The following HMGB1 variants were observed in gnomAD, a reference collection of about 807,000 sequenced individuals.
HMGB1 encodes high mobility group box 1.
For synonymous variants in HMGB1, 81 were observed against 84.0 expected, an observed-to-expected ratio of 0.96 and a Z score of 0.19; for missense variants, 79 against 253.5, an observed-to-expected ratio of 0.31 and a Z score of 4.67.
At position 30,458,297 on chromosome 13, in the gene HMGB1, T is replaced by C. The variant is rs1171282626; in HGVS notation, c.*3060A>G. ...GTGATGTCAAGCAAGGCAGTACCCATGTATTTCATTCAAAAACCAGTTGTC... is the reference window on the plus strand; with the variant it reads ...GTGATGTCAAGCAAGGCAGTACCCACGTATTTCATTCAAAAACCAGTTGTC... On this transcript the variant is annotated 3_prime_UTR_variant, in exon 5 of 5. Transcript: ENST00000341423. 4.0e-5 allele frequency: 6 copies of C among 151,590 alleles called. No homozygotes were observed. The highest frequency in any genetic ancestry group is 7.3e-5 in the African/African-American group (3 of 41,126). The allele number at this position is 151,590 out of a possible 1,614,324, so 9.4% of individuals were successfully genotyped here. A position where few individuals can be genotyped will look rare whatever the true frequency, so the allele number is the denominator to read the frequency against.
rs1356201662 is a variant in HMGB1, at chr13:30,456,780, G to GGGGGGGGA, written c.*4576_*4577insTCCCCCCC. ...GTGGGCGGGGGGGGGGGGTGGTGGG[G>GGGGGGGGA]TGCAATTTATCAACATCTTCCAAAA... On this transcript the variant is annotated 3_prime_UTR_variant, in exon 5 of 5. Coordinates refer to ENST00000341423, the MANE Select transcript of HMGB1 (RefSeq NM_002128.7). 8.3e-6 allele frequency: 1 copy of GGGGGGGGA among 120,396 alleles called. No individual in the cohort carries two copies. Among genetic ancestry groups the GGGGGGGGA allele is most frequent in the African/African-American group, 4.1e-5 (1 of 24,564 alleles). 7.5% of individuals were successfully genotyped at this position (120,396 alleles called of 1,614,324 possible).
intron 1 of HMGB1, among the ~76,000 whole-genome samples, chr13:30,597,589 A>T (rs1042299622): frequency 7.9e-5 from 12 of 152,340 alleles, no homozygotes; most frequent in African/African-American, 2.9e-4. Flanking sequence ...AAGATTTCTC[A>T]TACTCAACTG....
At chr13:30,500,948 C>G (rs1249397121) in intron 1 of HMGB1, among the ~76,000 whole-genome samples, 1 of 151,438 alleles carries the variant, frequency 6.6e-6, no homozygotes, top group Non-Finnish European at 1.5e-5. Flanking sequence ...GCTGGGATTA[C>G]AGGTGTGAGC....
chr13:30,539,193 A>G (rs1271964025), intron 1 of HMGB1, among the ~76,000 whole-genome samples: 1 of 152,182 alleles, frequency 6.6e-6, no homozygotes, highest in East Asian at 1.9e-4. Flanking sequence ...CACTGCGCCC[A>G]GCCAGCCCAG....
At chr13:30,554,290 T>C in intron 1 of HMGB1, 2 of 1,199,146 alleles carry the variant, frequency 1.7e-6, no homozygotes, top group Non-Finnish European at 2.5e-6. Flanking sequence ...CCTTGAACCC[T>C]GACCATGGGC....
rs535863750 is a variant in HMGB1, at chr13:30,603,369, G to A, written c.-15+13302C>T. Among the ~76,000 whole-genome samples the A allele has an allele frequency of 3.9e-5, 6 of 152,230 alleles. No homozygotes were observed. In the East Asian group the frequency reaches 5.8e-4, roughly 15 times the overall value. ...CAAGGAGGCAGTTCAAAACTGAACT[G>A]GGCATTGGCTCCACTCCTTCTCCTT... On this transcript the variant is annotated intron_variant, in intron 1 of 4. Transcript: ENST00000405805.
intron 1 of HMGB1, among the ~76,000 whole-genome samples, chr13:30,493,793 A>G (rs1054599932): frequency 1.3e-5 from 2 of 152,094 alleles, no homozygotes; most frequent in African/African-American, 4.8e-5. Flanking sequence ...CAAGACACTC[A>G]TCTCTTACAT....
chr13:30,578,967 C>T (rs1439903796), intron 1 of HMGB1, among the ~76,000 whole-genome samples: 3 of 152,228 alleles, frequency 2.0e-5, no homozygotes, highest in Non-Finnish European at 4.4e-5. Flanking sequence ...CAGCTGCTTG[C>T]TCCTGTTTCC....
intron 1 of HMGB1, among the ~76,000 whole-genome samples, chr13:30,518,620 A>G (rs1416713271): frequency 2.0e-5 from 3 of 152,194 alleles, no homozygotes; most frequent in Non-Finnish European, 4.4e-5. Flanking sequence ...GTTAGGTGCC[A>G]ATGAGAAATG....
chr13:30,515,237 A>C (rs1888076561), intron 1 of HMGB1, among the ~76,000 whole-genome samples: 1 of 152,220 alleles, frequency 6.6e-6, no homozygotes, highest in Non-Finnish European at 1.5e-5. Context: ...TCAGTTACAG[A>C]GCCACAAGGA....
intron 1 of HMGB1, among the ~76,000 whole-genome samples, chr13:30,535,781 T>A (rs1256820802): frequency 6.6e-6 from 1 of 152,186 alleles, no homozygotes; most frequent in African/African-American, 2.4e-5. Context: ...TCCCAGCTAC[T>A]TGGGAGGCTG....
intron 1 of HMGB1, among the ~76,000 whole-genome samples, chr13:30,524,351 AAAAAAAG>A (rs1366105029): frequency 2.7e-4 from 16 of 59,518 alleles, no homozygotes; most frequent in African/African-American, 8.7e-4. Context: ...AAAAAAAAAA[AAAAAAAG>A]AAAAAAAAGA....
At chr13:30,474,959 G>GTTTTTTTTTTTTTTTTTTTT (rs776923842) in intron 1 of HMGB1, among the ~76,000 whole-genome samples, 3 of 64,034 alleles carry the variant, frequency 4.7e-5, no homozygotes, top group African/African-American at 1.4e-4. Flanking sequence ...TTCTTTTTTT[G>GTTTTTTTTTTTTTTTTTTTT]TTTTTTTTTT....
intron 1 of HMGB1, among the ~76,000 whole-genome samples, chr13:30,513,500 C>T (rs1045111650): frequency 6.6e-6 from 1 of 152,172 alleles, no homozygotes; most frequent in African/African-American, 2.4e-5. Context: ...ATTTCTAGGG[C>T]CTAGCATAAG....
chr13:30,567,073 TG>T (rs1870214911), intron 1 of HMGB1, among the ~76,000 whole-genome samples: 1 of 152,230 alleles, frequency 6.6e-6, no homozygotes. Context: ...TCTACCACTC[TG>T]GATTTTCTCG....
intron 1 of HMGB1, among the ~76,000 whole-genome samples, chr13:30,528,878 A>T (rs1451893352): frequency 1.3e-5 from 2 of 151,858 alleles, no homozygotes; most frequent in African/African-American, 2.4e-5. Context: ...AACACAAAAA[A>T]ATTAGCCAGG....
intron 1 of HMGB1, among the ~76,000 whole-genome samples, chr13:30,491,131 C>T (rs1014488205): frequency 2.0e-5 from 3 of 152,144 alleles, no homozygotes; most frequent in South Asian, 2.1e-4. Context: ...CAGATTCAAG[C>T]GATTCTCCTG....
At chr13:30,602,342 A>G (rs1372186845) in intron 1 of HMGB1, among the ~76,000 whole-genome samples, 1 of 152,192 alleles carries the variant, frequency 6.6e-6, no homozygotes, top group Non-Finnish European at 1.5e-5. Context: ...CATGAACAGA[A>G]CCAGGTGAGA....
intron 1 of HMGB1, among the ~76,000 whole-genome samples, chr13:30,546,923 G>C (rs1197011904): frequency 1.3e-5 from 2 of 152,192 alleles, no homozygotes. Flanking sequence ...ACACACATTT[G>C]TAGGTGTAGG....
Sources: gnomAD v4.1 joint callset for allele counts (sites outside exome capture counted in the v4.1 genomes callset) on GRCh38, gnomAD v4.1.1 for gene constraint, MANE v1.5 for transcripts, NCBI Gene and HGNC (gene_info 2026-07-23, HGNC 2026-07-21) for gene names.